Variants in NIPBL observed in about 807,000 individuals in gnomAD.
NIPBL encodes the protein NIPBL cohesin loading factor, also known as nipped-B-like protein.
In NIPBL, 19 loss-of-function variants were observed where a neutral mutation model predicts 321.8. The observed-to-expected ratio is 0.06, with a 90% confidence interval of 0.04 to 0.09. The LOEUF (loss-of-function observed/expected upper bound fraction) is 0.09. Among genes scored for constraint, NIPBL ranks in the 10% least tolerant of loss-of-function variants. The pLI is 1.00. For missense variants in NIPBL, 2,210 were observed against 3,327.0 expected (o/e 0.66, Z 8.26); for synonymous variants, 1,106 against 1,114.1 (o/e 0.99, Z 0.14).
chr5:36,878,190 A>T (rs1374293532), intron 1 of NIPBL, among the ~76,000 whole-genome samples: 1 of 152,246 alleles, frequency 6.6e-6, no homozygotes, highest in Non-Finnish European at 1.5e-5. Flanking sequence ...AAAAAATTGT[A>T]GAAGGTGCCA....
At chr5:37,045,053 A>G (rs1339346282) in intron 36 of NIPBL, among the ~76,000 whole-genome samples, 1 of 152,198 alleles carries the variant, frequency 6.6e-6, no homozygotes, top group Non-Finnish European at 1.5e-5. Context: ...ATTTAGAACC[A>G]TTAGTAAAAA....
Position 37,006,608 on chromosome 5 carries a change from A to G in NIPBL, c.4087+20A>G. 2 of 1,509,428 alleles carry G rather than the reference A, an allele frequency of 1.3e-6. No individual in the cohort carries two copies. Among genetic ancestry groups the G allele is most frequent in the Non-Finnish European group, 1.8e-6 (2 of 1,096,702 alleles). The allele number at this position is 1,509,428 out of a possible 1,614,324, so 93.5% of individuals were successfully genotyped here. On this transcript the variant is annotated intron_variant, in intron 17 of 46. Transcript: ENST00000282516. ...ATGGAGGTTAGTTCGTATAATATCA[A>G]AATTATTGTAAATTTTTGCCATGTT...
chr5:37,017,560 T>C (rs1263632806), intron 24 of NIPBL, among the ~76,000 whole-genome samples: 1 of 151,846 alleles, frequency 6.6e-6, no homozygotes, highest in Non-Finnish European at 1.5e-5. Flanking sequence ...TTTTTTATAC[T>C]TTATTACATT....
chr5:37,016,265 G>A (rs1204071712), intron 23 of NIPBL, 95 bp downstream of exon 23: 11 of 1,253,994 alleles, frequency 8.8e-6, no homozygotes, highest in Admixed American at 3.7e-5. Context: ...TTAAAAATGT[G>A]TAAGGAAATA....
chr5:36,997,924 G>T (rs867985330), intron 11 of NIPBL, among the ~76,000 whole-genome samples: 5 of 152,270 alleles, frequency 3.3e-5, no homozygotes, highest in Middle Eastern at 3.4e-3. Context: ...AATCAAATTG[G>T]TTTCTCAAAA....
intron 1 of NIPBL, 87 bp from the exon 2 acceptor site, chr5:36,953,531 A>G (rs1279118781): frequency 1.4e-5 from 9 of 653,374 alleles, no homozygotes; most frequent in Non-Finnish European, 2.5e-5. Context: ...CAAAGCAGTA[A>G]CTTTTTTTTA....
chr5:36,905,122 T>G (rs887575852), intron 1 of NIPBL, among the ~76,000 whole-genome samples: 7 of 152,168 alleles, frequency 4.6e-5, no homozygotes, highest in African/African-American at 1.4e-4. Flanking sequence ...TTACAACTTT[T>G]AATGCATAGA....
chr5:37,030,919 CTTTTTTTTTT>C (rs11291612), intron 32 of NIPBL, among the ~76,000 whole-genome samples: 2 of 82,384 alleles, frequency 2.4e-5, no homozygotes, highest in Non-Finnish European at 4.5e-5. Flanking sequence ...CATGTTTAGC[CTTTTTTTTTT>C]TTTTTTTTTT....
At chr5:36,889,044 G>A (rs971917940) in intron 1 of NIPBL, among the ~76,000 whole-genome samples, 27 of 152,072 alleles carry the variant, frequency 1.8e-4, no homozygotes, top group Admixed American at 1.3e-3. Flanking sequence ...CACATAGTAA[G>A]CACTCAACAA....
chr5:37,064,435 G>A (rs1174128611), intron 46 of NIPBL, 92 bp from the exon 47 acceptor site: 2 of 1,581,360 alleles, frequency 1.3e-6, no homozygotes, highest in African/African-American at 2.7e-5. Flanking sequence ...CCAACTCCCG[G>A]CGTCAAGGGA....
chr5:37,055,870 G>C (rs1754034787), intron 42 of NIPBL, among the ~76,000 whole-genome samples: 1 of 151,832 alleles, frequency 6.6e-6, no homozygotes, highest in Non-Finnish European at 1.5e-5. Flanking sequence ...AACTGGACAG[G>C]CCTGGTGGTA....
intron 18 of NIPBL, among the ~76,000 whole-genome samples, 177 bp from the exon 19 acceptor site, chr5:37,007,831 C>T (rs1293653490): frequency 6.6e-6 from 1 of 151,842 alleles, no homozygotes; most frequent in African/African-American, 2.4e-5. Flanking sequence ...TATATGCTAA[C>T]GTGCTTTGAG....
intron 27 of NIPBL, among the ~76,000 whole-genome samples, chr5:37,021,438 TTTGG>T (rs1374983822): frequency 6.6e-6 from 1 of 152,190 alleles, no homozygotes; most frequent in Non-Finnish European, 1.5e-5. Flanking sequence ...ATCCCAGCAC[TTTGG>T]GAAGCCAAGG....
intron 16 of NIPBL, among the ~76,000 whole-genome samples, chr5:37,004,438 T>C (rs1447299022): frequency 1.3e-5 from 2 of 151,832 alleles, no homozygotes; most frequent in Non-Finnish European, 1.5e-5. Context: ...AGGGTCTTGC[T>C]CTGTCCCCTG....
intron 33 of NIPBL, among the ~76,000 whole-genome samples, chr5:37,037,043 T>C (rs756604977): frequency 2.0e-5 from 3 of 151,984 alleles, no homozygotes; most frequent in Non-Finnish European, 4.4e-5. Flanking sequence ...TATTTACCAA[T>C]CACAAATCTG....
chr5:37,002,772 C>T lies in NIPBL; in HGVS notation c.3768+7C>T. 4 of 1,447,944 alleles carry T rather than the reference C, an allele frequency of 2.8e-6. No individual in the cohort carries two copies. The highest frequency in any genetic ancestry group is 3.9e-6 in the Non-Finnish European group (4 of 1,031,804). The allele number at this position is 1,447,944 out of a possible 1,614,324, so 89.7% of individuals were successfully genotyped here. A position where few individuals can be genotyped will look rare whatever the true frequency, so the allele number is the denominator to read the frequency against. ...AATGGGTATAATGGATAAGGTATCT[C>T]ACCAAAGTAAAATTTATAAATTTAC... On this transcript the variant is annotated splice_region_variant and intron_variant, in intron 15 of 46. Coordinates refer to ENST00000282516, the MANE Select transcript of NIPBL (RefSeq NM_133433.4).
At chr5:37,028,584 G>T (rs958800976) in intron 32 of NIPBL, among the ~76,000 whole-genome samples, 2 of 152,012 alleles carry the variant, frequency 1.3e-5, no homozygotes, top group African/African-American at 4.8e-5. Flanking sequence ...CAGGTGATCT[G>T]CCCACCTCGG....
intron 32 of NIPBL, among the ~76,000 whole-genome samples, chr5:37,033,483 A>T (rs1001754701): frequency 6.6e-6 from 1 of 151,702 alleles, no homozygotes; most frequent in Admixed American, 6.6e-5. Context: ...TATAAAACAG[A>T]AGTGGCACTG....
Position 36,928,867 on chromosome 5 carries a change from G to A in NIPBL, c.-79-24751G>A, listed in dbSNP as rs181010020. Among the ~76,000 whole-genome samples, 357 of 152,242 alleles carry A rather than the reference G, an allele frequency of 2.3e-3. 5 individuals carry two copies. The East Asian group carries it at 0.043, about 18-fold the overall frequency. On this transcript the variant is annotated intron_variant, in intron 1 of 46. Transcript: ENST00000282516. Reference sequence around the variant, plus strand: ...TTTTGTTCTTTTTTATTGCTGAATGGTAGTTCATTGTATTATGATATTTTG... The same window carrying A: ...TTTTGTTCTTTTTTATTGCTGAATGATAGTTCATTGTATTATGATATTTTG...
Sources: gnomAD v4.1 joint callset for allele counts (sites outside exome capture counted in the v4.1 genomes callset) on GRCh38, gnomAD v4.1.1 for gene constraint, MANE v1.5 for transcripts, NCBI Gene and HGNC (gene_info 2026-07-23, HGNC 2026-07-21) for gene names.